The following IL6R variants were observed in gnomAD, a reference collection of about 807,000 sequenced individuals.
The protein encoded by IL6R is interleukin-6 receptor subunit alpha.
Under a neutral mutation model 48.3 loss-of-function variants are expected in IL6R, and 38 were observed. That is an observed-to-expected ratio of 0.79 (90% CI 0.61 to 1.03). The LOEUF is 1.03. IL6R is among the 50% of genes least tolerant of loss of function. The pLI is 0.00. For synonymous variants in IL6R, 264 were observed against 256.2 expected (o/e 1.03, Z -0.29); for missense variants, 534 against 618.3 (o/e 0.86, Z 1.45).
rs546747361 is a variant in IL6R at position 154,412,306 on chromosome 1, T to G, written c.85+6592T>G. 4.0e-5 allele frequency among the ~76,000 whole-genome samples: 6 copies of G among 150,584 alleles called. 1 individual carries two copies. The South Asian group carries it at 1.3e-3, about 32-fold the overall frequency. On this transcript the variant is annotated intron_variant, in intron 1 of 9. Transcript: ENST00000368485. Reference sequence around the variant, plus strand: ...TCTCACTGTGTTGCCCAGGCTGGAGTGCAGTGGCACAATCTCAGCTCACTG... The same window carrying G: ...TCTCACTGTGTTGCCCAGGCTGGAGGGCAGTGGCACAATCTCAGCTCACTG...
intron 1 of IL6R, among the ~76,000 whole-genome samples, chr1:154,408,245 G>A (rs1220037387): frequency 6.6e-6 from 1 of 152,200 alleles, no homozygotes; most frequent in African/African-American, 2.4e-5. Context: ...CCTAAATGGT[G>A]TCATTGAGGA....
intron 6 of IL6R, among the ~76,000 whole-genome samples, chr1:154,447,870 A>T (rs1420073713): frequency 6.6e-6 from 1 of 151,908 alleles, no homozygotes; most frequent in African/African-American, 2.4e-5. Context: ...ATGTGCCAGC[A>T]CACCCAGCTA....
intron 9 of IL6R, among the ~76,000 whole-genome samples, chr1:154,463,965 GA>G (rs936613392): frequency 2.6e-5 from 4 of 152,114 alleles, no homozygotes; most frequent in Non-Finnish European, 5.9e-5. Context: ...GAGGCGTAGG[GA>G]GAACTGGGGA....
chr1:154,430,964 T>C (rs1689262766), intron 3 of IL6R, among the ~76,000 whole-genome samples: 2 of 152,218 alleles, frequency 1.3e-5, no homozygotes, highest in Admixed American at 1.3e-4. Context: ...TCCCAGTCTG[T>C]CTGATTTCAT....
Position 154,405,577 on chromosome 1 carries a change from C to G in IL6R, c.-53C>G. 1 of 1,141,484 alleles carries G rather than the reference C, an allele frequency of 8.8e-7. No homozygotes were observed. Among genetic ancestry groups the G allele is most frequent in the Non-Finnish European group, 1.2e-6 (1 of 861,124 alleles). 70.7% of individuals were successfully genotyped at this position (1,141,484 alleles called of 1,614,324 possible). A position where few individuals can be genotyped will look rare whatever the true frequency, so the allele number is the denominator to read the frequency against. On this transcript the variant is annotated 5_prime_UTR_variant, in exon 1 of 10. Coordinates refer to ENST00000368485, the MANE Select transcript of IL6R (RefSeq NM_000565.4). This position sits in a 1 kb window ranked among gnomAD's most constrained non-coding sequence, Gnocchi z 5.2. ...CCCTGCCACCCCTGCCGCCCGGTTC[C>G]CATTAGCCTGTCCGCCTCTGCGGGA...
intron 9 of IL6R, among the ~76,000 whole-genome samples, chr1:154,457,678 C>T (rs1197617381): frequency 6.6e-6 from 1 of 152,172 alleles, no homozygotes; most frequent in East Asian, 1.9e-4. Context: ...TTTCGGTGTT[C>T]ACAATTTTAC....
intron 1 of IL6R, among the ~76,000 whole-genome samples, chr1:154,421,758 C>T (rs573303802): frequency 3.4e-4 from 52 of 151,330 alleles, no homozygotes; most frequent in Admixed American, 2.1e-3. Context: ...TAGCTGGGAC[C>T]GCAGACATGT....
intron 1 of IL6R, among the ~76,000 whole-genome samples, chr1:154,423,281 A>ATATATATG (rs1688789339): frequency 1.4e-5 from 2 of 141,888 alleles, no homozygotes; most frequent in East Asian, 2.0e-4. Context: ...ATATATATAT[A>ATATATATG]TATGTATTCA....
At chr1:154,411,570 T>C (rs1041325347) in intron 1 of IL6R, among the ~76,000 whole-genome samples, 19 of 152,342 alleles carry the variant, frequency 1.2e-4, no homozygotes, top group Admixed American at 3.3e-4. Context: ...TAAATGAATT[T>C]CCTCTGTCTC....
At chr1:154,428,854 G>A (rs1689122411) in intron 1 of IL6R, among the ~76,000 whole-genome samples, 1 of 152,180 alleles carries the variant, frequency 6.6e-6, no homozygotes, top group Non-Finnish European at 1.5e-5. Flanking sequence ...CACCTTCTAA[G>A]GAGTGGGGAG....
chr1:154,428,698 C>T (rs1689111985), intron 1 of IL6R, among the ~76,000 whole-genome samples: 3 of 152,034 alleles, frequency 2.0e-5, no homozygotes, highest in Non-Finnish European at 2.9e-5. Flanking sequence ...GTGTGGGTGA[C>T]GTATTGCAGA....
chr1:154,441,795 G>T (rs1689948870), intron 6 of IL6R, among the ~76,000 whole-genome samples: 1 of 152,090 alleles, frequency 6.6e-6, no homozygotes. Flanking sequence ...TGTGGGAGTG[G>T]TGGCCTTTGG....
At chr1:154,448,103 T>C in intron 6 of IL6R, 22 bp from the exon 7 acceptor site, 3 of 1,609,964 alleles carry the variant, frequency 1.9e-6, no homozygotes, top group Non-Finnish European at 2.6e-6. Flanking sequence ...TCACTAATAA[T>C]GAGCCTTTCT....
In IL6R at chr1:154,430,562, C is replaced by G. The variant is rs1158305187; in HGVS notation, c.414C>G (p.Ser138Arg). The G allele has an allele frequency of 6.2e-7, 1 of 1,614,132 alleles. No homozygotes were observed. Among genetic ancestry groups the G allele is most frequent in the Non-Finnish European group, 8.5e-7 (1 of 1,179,972 alleles). Residue 138 changes from serine (S) to arginine (R), a missense_variant, in exon 3 of 10, where the codon AGC becomes AGG. Physicochemically the swap from Ser to Arg is moderately radical, Grantham distance 110. Coordinates refer to ENST00000368485, the MANE Select transcript of IL6R (RefSeq NM_000565.4). ...TTGTTTGTGAGTGGGGTCCTCGGAG[C>G]ACCCCATCCCTGACGACAAAGGCTG... ...SNVVCEWGPR[S>R]TPSLTTKAVL...
chr1:154,432,961 A>G (rs903082659), intron 3 of IL6R, among the ~76,000 whole-genome samples: 2 of 152,210 alleles, frequency 1.3e-5, no homozygotes, highest in Non-Finnish European at 2.9e-5. Flanking sequence ...GCCCAACTGC[A>G]GCACTGCTCC....
intron 1 of IL6R, among the ~76,000 whole-genome samples, chr1:154,425,112 T>G (rs1466954845): frequency 1.3e-5 from 2 of 152,110 alleles, no homozygotes; most frequent in African/African-American, 4.8e-5. Context: ...AGGTCAGGGG[T>G]TGATCTTTAA....
At chr1:154,428,789 T>C (rs1689117025) in intron 1 of IL6R, among the ~76,000 whole-genome samples, 1 of 151,994 alleles carries the variant, frequency 6.6e-6, no homozygotes, top group African/African-American at 2.4e-5. Context: ...GTGGGGATGA[T>C]GTAGGAAGAA....
rs142175082 is a variant in IL6R at position 154,420,347 on chromosome 1, C to T, written c.86-8849C>T. ...ATCTACAGGTCACAGTCTGAATCCT[C>T]ATTTCACAGAGAAGGCCAGTGGGCT... On this transcript the variant is annotated intron_variant, in intron 1 of 9. Coordinates refer to ENST00000368485, the MANE Select transcript of IL6R (RefSeq NM_000565.4). Among the ~76,000 whole-genome samples, 15 of 152,066 alleles carry T rather than the reference C, an allele frequency of 9.9e-5. No individual in the cohort carries two copies. In the East Asian group the frequency reaches 2.0e-3, roughly 20 times the overall value.
At chr1:154,464,042 G>A (rs1691404159) in intron 9 of IL6R, among the ~76,000 whole-genome samples, 1 of 152,076 alleles carries the variant, frequency 6.6e-6, no homozygotes, top group Non-Finnish European at 1.5e-5. Flanking sequence ...CCCTTTTCCT[G>A]CTATTACATG....
Sources: gnomAD v4.1 joint callset for allele counts (sites outside exome capture counted in the v4.1 genomes callset) on GRCh38, gnomAD v4.1.1 for gene constraint, Gnocchi (gnomAD v3.1) non-coding constraint, MANE v1.5 for transcripts, NCBI Gene and HGNC (gene_info 2026-07-23, HGNC 2026-07-21) for gene names.